The following TCF20 variants were observed in gnomAD, a reference collection of about 807,000 sequenced individuals.
The protein encoded by TCF20 is SPRE-binding protein.
In TCF20, 3 loss-of-function variants were observed where a neutral mutation model predicts 148.6. The observed-to-expected ratio is 0.02, with a 90% CI of 0.01 to 0.05. The LOEUF is 0.05. TCF20 is among the 10% of genes least tolerant of loss of function. The pLI, the probability that TCF20 is intolerant of heterozygous loss-of-function variation, is 1.00. For synonymous variants in TCF20, 1,049 were observed against 909.5 expected (o/e 1.15, Z -2.76); for missense variants, 2,350 against 2,429.3 (o/e 0.97, Z 0.69).
At chr22:42,321,829 C>T (rs1200963734) in intron 1 of TCF20, among the ~76,000 whole-genome samples, 1 of 151,598 alleles carries the variant, frequency 6.6e-6, no homozygotes, top group Admixed American at 6.6e-5. Flanking sequence ...TGCCTGTAAT[C>T]CCAGCTACTC....
Position 42,161,268 on chromosome 22 carries a change from C to T in TCF20, c.*135G>A, listed in dbSNP as rs530634932. On this transcript the variant is annotated 3_prime_UTR_variant, in exon 6 of 6. Transcript: ENST00000677622. ...GGCATGGGCAGGCACGCGGGCGGGG[C>T]GGGGCGGGGCAGGGCAGGGTGTGGC... The T allele has an allele frequency of 1.6e-5, 21 of 1,294,032 alleles. No homozygotes were observed. The highest frequency in any genetic ancestry group is 1.1e-4 in the Admixed American group (5 of 45,638). The allele number at this position is 1,294,032 out of a possible 1,614,324, so 80.2% of individuals were successfully genotyped here.
intron 1 of TCF20, among the ~76,000 whole-genome samples, chr22:42,324,119 T>TTATGGTGGTGGTGGTGATGGA (rs1927818540): frequency 8.9e-4 from 1 of 1,118 alleles, no homozygotes; most frequent in African/African-American, 2.2e-3. Flanking sequence ...GTGGTGGTGG[T>TTATGGTGGTGGTGGTGATGGA]GGTTATGGTG....
At chr22:42,234,683 G>T (rs1040718684) in intron 1 of TCF20, among the ~76,000 whole-genome samples, 1 of 152,002 alleles carries the variant, frequency 6.6e-6, no homozygotes, top group African/African-American at 2.4e-5. Context: ...ATAGTTTGCA[G>T]GATTATTTCA....
chr22:42,207,430 T>C (rs2147185661), intron 2 of TCF20, among the ~76,000 whole-genome samples: 1 of 152,278 alleles, frequency 6.6e-6, no homozygotes, highest in African/African-American at 2.4e-5. Flanking sequence ...TGCCTTATTA[T>C]TCTACGGAGA....
At chr22:42,192,835 G>GA (rs1470731873) in intron 2 of TCF20, among the ~76,000 whole-genome samples, 1 of 152,192 alleles carries the variant, frequency 6.6e-6, no homozygotes, top group East Asian at 1.9e-4. Flanking sequence ...GTCCACACTA[G>GA]AATGGAAACT....
chr22:42,174,066 C>T (rs1171513959), intron 3 of TCF20, among the ~76,000 whole-genome samples: 1 of 152,152 alleles, frequency 6.6e-6, no homozygotes, highest in Non-Finnish European at 1.5e-5. Flanking sequence ...GGGTGACAAC[C>T]TGGGCACAAG....
chr22:42,210,284 A>T lies in TCF20; in HGVS notation c.5022T>A (p.Pro1674=). Residue 1674 remains proline (P), a synonymous_variant, in exon 2 of 6, where the codon CCT becomes CCA. Coordinates refer to ENST00000677622, the MANE Select transcript of TCF20 (RefSeq NM_001378418.1). The surrounding 1 kb of genome is among the most constrained non-coding windows in gnomAD (Gnocchi z 4.7). ...GGAGCGCCTTGCTTTCAGTGCTGCT[A>T]GGTGGAGGGGTCAGTGACCTCTGAC... ...RKGQRSLTPP[P]SSTESKALPA... is the part of the protein sequence containing the mutation. The T allele has an allele frequency of 6.2e-7, 1 of 1,614,162 alleles. No individual in the cohort carries two copies.
intron 2 of TCF20, among the ~76,000 whole-genome samples, chr22:42,206,358 C>T (rs1938384723): frequency 2.0e-5 from 3 of 152,106 alleles, no homozygotes; most frequent in Admixed American, 2.0e-4. Context: ...GAGTTCCAGA[C>T]CAGCCTGGCC....
intron 5 of TCF20, among the ~76,000 whole-genome samples, chr22:42,164,109 G>A (rs1385185197): frequency 6.6e-6 from 1 of 152,116 alleles, no homozygotes; most frequent in Non-Finnish European, 1.5e-5. Flanking sequence ...CGACTAGAGA[G>A]GGAGGATATG....
rs566766069 is a variant in TCF20 at position 42,338,528 on chromosome 22, G to C, written c.-37+4951C>G. ...GCTCGCTCAGGGGCTGCGAGTGGAA[G>C]GGCTGGGAAAATAATTACCGAGGAG... On this transcript the variant is annotated intron_variant, in intron 1 of 1. Transcript: ENST00000515426. The surrounding 1 kb of genome is among the most constrained non-coding windows in gnomAD (Gnocchi z 4.0). Among the ~76,000 whole-genome samples, 1 of 152,232 alleles carries C rather than the reference G, an allele frequency of 6.6e-6. No individual in the cohort carries two copies. Among genetic ancestry groups the C allele is most frequent in the Non-Finnish European group, 1.5e-5 (1 of 68,044 alleles).
chr22:42,331,244 C>A (rs1285531228), intron 1 of TCF20, among the ~76,000 whole-genome samples: 1 of 152,198 alleles, frequency 6.6e-6, no homozygotes. Flanking sequence ...GGCTGACAAG[C>A]CGCTAAGCCA....
chr22:42,173,104 C>A (rs778336772), intron 3 of TCF20, among the ~76,000 whole-genome samples: 54 of 149,126 alleles, frequency 3.6e-4, no homozygotes, highest in Non-Finnish European at 7.2e-4. Flanking sequence ...GAATTCCCAG[C>A]TGTTTTTTCA....
In TCF20 at chr22:42,184,058, C is replaced by T. The variant is rs562846338; in HGVS notation, c.5656-4356G>A. Among the ~76,000 whole-genome samples, 22 of 152,080 alleles carry T rather than the reference C, an allele frequency of 1.4e-4. No individual in the cohort carries two copies. The South Asian group carries it at 1.9e-3, about 13-fold the overall frequency. On this transcript the variant is annotated intron_variant, in intron 2 of 5. Coordinates refer to ENST00000677622, the MANE Select transcript of TCF20 (RefSeq NM_001378418.1). ...TGCTGGGATTACAGGCATCAGCCAC[C>T]GCACCTGGCCTTAGGTTCTTTAATG... is the stretch of plus-strand genomic sequence containing the variant.
chr22:42,320,152 C>G (rs563049860), intron 1 of TCF20, among the ~76,000 whole-genome samples: 88 of 152,324 alleles, frequency 5.8e-4, no homozygotes, highest in African/African-American at 2.1e-3. Context: ...CACCCCTGCT[C>G]ACTCTGCTCC....
At chr22:42,260,592 C>T (rs777372882) in intron 1 of TCF20, among the ~76,000 whole-genome samples, 5 of 152,088 alleles carry the variant, frequency 3.3e-5, no homozygotes, top group African/African-American at 4.8e-5. Flanking sequence ...AGATGCAATA[C>T]GCCCACCTCA....
intron 3 of TCF20, among the ~76,000 whole-genome samples, chr22:42,170,501 A>T (rs551789169): frequency 2.1e-5 from 3 of 140,194 alleles, no homozygotes; most frequent in Non-Finnish European, 3.1e-5. Context: ...AAACTGTCTT[A>T]AAAAAAAAAA....
At chr22:42,181,207 G>C (rs1014871175) in intron 2 of TCF20, among the ~76,000 whole-genome samples, 29 of 151,926 alleles carry the variant, frequency 1.9e-4, no homozygotes, top group African/African-American at 7.0e-4. Flanking sequence ...TTTTTGAGAT[G>C]GAGTCTTGCT....
chr22:42,207,205 G>A (rs921394472), intron 2 of TCF20, among the ~76,000 whole-genome samples: 1 of 152,088 alleles, frequency 6.6e-6, no homozygotes, highest in Non-Finnish European at 1.5e-5. Flanking sequence ...AAAACAGGCG[G>A]GAGATTGTCA....
At chr22:42,195,181 G>T (rs994414455) in intron 2 of TCF20, among the ~76,000 whole-genome samples, 3 of 150,198 alleles carry the variant, frequency 2.0e-5, no homozygotes, top group Non-Finnish European at 4.5e-5. Context: ...CAACATTCAG[G>T]TGGCACTACA....
Sources: gnomAD v4.1 joint callset for allele counts (sites outside exome capture counted in the v4.1 genomes callset) on GRCh38, gnomAD v4.1.1 for gene constraint, Gnocchi (gnomAD v3.1) non-coding constraint, MANE v1.5 for transcripts, NCBI Gene and HGNC (gene_info 2026-07-23, HGNC 2026-07-21) for gene names.